The following LYZL4 variants were observed in gnomAD, a reference collection of about 807,000 sequenced individuals.
The protein encoded by LYZL4 is lysozyme like 4.
LYZL4 carries 13 observed loss-of-function variants against 17.6 expected under a neutral mutation model. The observed-to-expected ratio is 0.74, with a 90% CI of 0.48 to 1.18. The LOEUF (loss-of-function observed/expected upper bound fraction) is 1.18, where lower values mean the gene tolerates loss of function less well. LYZL4 is among the 50% of genes most tolerant of loss of function. The probability of loss-of-function intolerance (pLI) is 0.00; values close to 1 mark genes in which losing one functional copy is unlikely to be tolerated. For missense variants in LYZL4, 174 were observed against 188.2 expected, an observed-to-expected ratio of 0.92 and a Z score of 0.44; for synonymous variants, 64 against 67.7, an observed-to-expected ratio of 0.95 and a Z score of 0.27.
At chr3:42,370,580 G>A in the LYZL4 span, among the ~76,000 whole-genome samples, 1 of 152,178 alleles carries the variant, frequency 6.6e-6, no homozygotes, top group Non-Finnish European at 1.5e-5. Flanking sequence ...TTGTTGTTGT[G>A]AACCACTAAG....
chr3:42,370,285 A>T, the LYZL4 span, among the ~76,000 whole-genome samples: 14 of 90,874 alleles, frequency 1.5e-4, no homozygotes, highest in Admixed American at 1.9e-3. Context: ...CACAGACACC[A>T]CCCACCCCCA....
chr3:42,375,717 G>A, the LYZL4 span, among the ~76,000 whole-genome samples: 1 of 152,102 alleles, frequency 6.6e-6, no homozygotes, highest in African/African-American at 2.4e-5. Context: ...GAAAGCATGA[G>A]GAATATGCTC....
At chr3:42,361,793 T>C in the LYZL4 span, among the ~76,000 whole-genome samples, 3 of 152,244 alleles carry the variant, frequency 2.0e-5, no homozygotes, top group South Asian at 2.1e-4. Context: ...CACAGCAAAA[T>C]TGAGAAGGTA....
chr3:42,375,089 G>T, the LYZL4 span, among the ~76,000 whole-genome samples: 1 of 152,122 alleles, frequency 6.6e-6, no homozygotes, highest in South Asian at 2.1e-4. Flanking sequence ...GGGATTACAG[G>T]TGTGAGCCAC....
At chr3:42,409,092 C>T (rs569715335) in intron 1 of LYZL4, among the ~76,000 whole-genome samples, 115 of 152,308 alleles carry the variant, frequency 7.6e-4, no homozygotes, top group Admixed American at 4.1e-3. Flanking sequence ...TTTAAGAGCT[C>T]AGACTTGGGA....
At chr3:42,399,551 C>T (rs757970033) in intron 4 of LYZL4, among the ~76,000 whole-genome samples, 15 of 152,110 alleles carry the variant, frequency 9.9e-5, no homozygotes, top group Non-Finnish European at 2.2e-4. Flanking sequence ...TTCATGAGCT[C>T]TATTAATAGC....
chr3:42,376,047 A>T, the LYZL4 span, among the ~76,000 whole-genome samples: 1 of 152,174 alleles, frequency 6.6e-6, no homozygotes, highest in Non-Finnish European at 1.5e-5. Flanking sequence ...CCCCACCTTC[A>T]TGTGCCATCA....
the LYZL4 span, among the ~76,000 whole-genome samples, chr3:42,371,997 T>A: frequency 6.6e-6 from 1 of 152,300 alleles, no homozygotes; most frequent in Non-Finnish European, 1.5e-5. Context: ...CCAGGAGGAT[T>A]CTTAAAATAA....
intron 3 of LYZL4, among the ~76,000 whole-genome samples, chr3:42,406,060 C>T (rs142723434): frequency 3.1e-4 from 47 of 152,230 alleles, no homozygotes; most frequent in Admixed American, 4.6e-4. Context: ...TACTTGGGAC[C>T]GCCTAAGAGC....
chr3:42,400,806 G>A (rs1447570871), intron 4 of LYZL4, among the ~76,000 whole-genome samples: 1 of 152,170 alleles, frequency 6.6e-6, no homozygotes, highest in African/African-American at 2.4e-5. Flanking sequence ...GGGGAAGAAG[G>A]AAGTTTGTGG....
chr3:42,396,370 G>A (rs1371928567), downstream of LYZL4, among the ~76,000 whole-genome samples: 1 of 152,210 alleles, frequency 6.6e-6, no homozygotes, highest in African/African-American at 2.4e-5. Flanking sequence ...TCTCAGGCAG[G>A]TGTGTCCAGG....
chr3:42,397,657 G>A (rs1698577543), intron 4 of LYZL4, among the ~76,000 whole-genome samples: 1 of 152,116 alleles, frequency 6.6e-6, no homozygotes, highest in Non-Finnish European at 1.5e-5. Flanking sequence ...GGTATCATTT[G>A]CTTCTCTGAA....
chr3:42,374,515 T>A, the LYZL4 span, among the ~76,000 whole-genome samples: 1 of 152,208 alleles, frequency 6.6e-6, no homozygotes, highest in Non-Finnish European at 1.5e-5. Context: ...CAACCAACTG[T>A]CGAGGCCACC....
intron 4 of LYZL4, among the ~76,000 whole-genome samples, chr3:42,398,456 T>C (rs1698594535): frequency 1.3e-5 from 2 of 152,222 alleles, no homozygotes. Context: ...GGACCATATA[T>C]GAAAGGTATT....
At chr3:42,396,377 C>T (rs1179925188), downstream of LYZL4, among the ~76,000 whole-genome samples, 1 of 152,184 alleles carries the variant, frequency 6.6e-6, no homozygotes, top group Non-Finnish European at 1.5e-5. Context: ...CAGGTGTGTC[C>T]AGGAAGCCCA....
At chr3:42,362,390 T>C in the LYZL4 span, among the ~76,000 whole-genome samples, 1 of 152,194 alleles carries the variant, frequency 6.6e-6, no homozygotes, top group Non-Finnish European at 1.5e-5. Flanking sequence ...GGGCAATTCA[T>C]GGAGGTTATC....
chr3:42,401,385 A>AT lies in LYZL4; in HGVS notation c.371+2660dup, dbSNP rs964398862. Among the ~76,000 whole-genome samples, 703 of 147,804 alleles carry AT rather than the reference A, an allele frequency of 4.8e-3. 7 individuals are homozygous for AT. The highest frequency in any genetic ancestry group is 0.015 in the African/African-American group (625 of 40,374). On this transcript the variant is annotated intron_variant, in intron 4 of 4. Coordinates refer to ENST00000287748, the MANE Select transcript of LYZL4 (RefSeq NM_144634.4). ...GCCACCACGCCCGGCTAATTTTTGC[A>AT]TTTTTTTTTTAGTAGAGATGGGGTT...
the LYZL4 span, among the ~76,000 whole-genome samples, chr3:42,376,319 C>T: frequency 6.6e-6 from 1 of 152,132 alleles, no homozygotes; most frequent in Non-Finnish European, 1.5e-5. Flanking sequence ...TTGGTGCCCC[C>T]CCACCCTCTG....
At chr3:42,371,929 G>A in the LYZL4 span, among the ~76,000 whole-genome samples, 1 of 152,188 alleles carries the variant, frequency 6.6e-6, no homozygotes, top group South Asian at 2.1e-4. Flanking sequence ...CTGTTAATAG[G>A]GCGGGCATCA....
Sources: allele counts gnomAD v4.1 joint callset (sites outside exome capture counted in the v4.1 genomes callset), GRCh38; gene constraint gnomAD v4.1.1; transcripts MANE v1.5; gene names NCBI Gene and HGNC (gene_info 2026-07-23, HGNC 2026-07-21).